VWC2: variants seen among roughly 807,000 people sequenced by gnomAD.
VWC2 encodes the protein von Willebrand factor C domain containing 2.
VWC2 carries 14 observed loss-of-function variants against 29.8 expected under a neutral mutation model. The ratio of observed to expected loss-of-function variants is 0.47; its 90% CI spans 0.31 to 0.74. The LOEUF is 0.74. Among genes scored for constraint, VWC2 ranks in the 30% least tolerant of loss-of-function variants. The pLI is 0.05. For missense variants in VWC2, 457 were observed against 459.8 expected (o/e 0.99, Z 0.05); for synonymous variants, 213 against 199.0 (o/e 1.07, Z -0.59).
intron 3 of VWC2, among the ~76,000 whole-genome samples, chr7:49,853,224 C>T (rs1278302130): frequency 6.6e-6 from 1 of 152,340 alleles, no homozygotes; most frequent in Admixed American, 6.5e-5. Flanking sequence ...CTCTTGCTGC[C>T]GTGTGGAGTG....
intron 2 of VWC2, among the ~76,000 whole-genome samples, chr7:49,798,767 T>A (rs1336541576): frequency 2.6e-5 from 4 of 152,178 alleles, no homozygotes. Flanking sequence ...GGCTGCTGAG[T>A]TCACGTGGGC....
intron 3 of VWC2, among the ~76,000 whole-genome samples, chr7:49,857,469 G>C (rs1275165663): frequency 6.6e-6 from 1 of 152,156 alleles, no homozygotes; most frequent in East Asian, 1.9e-4. Flanking sequence ...CTTAGGTATT[G>C]TGAATAGTGC....
chr7:49,785,352 A>C (rs768662000), intron 2 of VWC2, among the ~76,000 whole-genome samples: 3 of 152,172 alleles, frequency 2.0e-5, no homozygotes, highest in Non-Finnish European at 4.4e-5. Context: ...GATTGTAGAG[A>C]ATGGGAGAAA....
chr7:49,909,233 T>C (rs1302484417), intron 3 of VWC2, among the ~76,000 whole-genome samples: 1 of 152,214 alleles, frequency 6.6e-6, no homozygotes, highest in Non-Finnish European at 1.5e-5. Flanking sequence ...GCAGTTATGG[T>C]GTGGCTTCTC....
At chr7:49,823,762 G>T (rs1032598281) in intron 3 of VWC2, among the ~76,000 whole-genome samples, 8 of 152,174 alleles carry the variant, frequency 5.3e-5, no homozygotes, top group African/African-American at 1.4e-4. Context: ...CACTGGTATT[G>T]CCTTGGTTGC....
At chr7:49,906,343 CTT>C (rs113516881) in intron 3 of VWC2, among the ~76,000 whole-genome samples, 6 of 150,928 alleles carry the variant, frequency 4.0e-5, no homozygotes, top group Admixed American at 4.0e-4. Context: ...AAAATTTTCT[CTT>C]TTTTTTTGAG....
At chr7:49,829,352 G>A (rs1430368994) in intron 3 of VWC2, among the ~76,000 whole-genome samples, 1 of 152,132 alleles carries the variant, frequency 6.6e-6, no homozygotes, top group Non-Finnish European at 1.5e-5. Context: ...ACCTGCCAGA[G>A]TTTTGGGTTT....
chr7:49,905,012 G>A (rs1793010788), intron 3 of VWC2, among the ~76,000 whole-genome samples: 1 of 152,120 alleles, frequency 6.6e-6, no homozygotes, highest in African/African-American at 2.4e-5. Context: ...GGGATTAGAG[G>A]TGTGAGCCAT....
At chr7:49,906,676 T>C (rs1362644969) in intron 3 of VWC2, among the ~76,000 whole-genome samples, 2 of 152,190 alleles carry the variant, frequency 1.3e-5, no homozygotes, top group African/African-American at 4.8e-5. Context: ...CATAAAATTC[T>C]TACCAAGAAT....
At chr7:49,901,080 A>G (rs922668786) in intron 3 of VWC2, 1 of 151,944 alleles carries the variant, frequency 6.6e-6, no homozygotes, top group Non-Finnish European at 1.5e-5. Context: ...TCAACTTGAT[A>G]AAGACTATTT....
At position 49,916,608 on chromosome 7, in the gene VWC2, G is replaced by C. The variant is rs1793740156; in HGVS notation, c.*4423G>C. The C allele has an allele frequency of 6.6e-6, 1 of 152,124 alleles. No individual in the cohort carries two copies. Among genetic ancestry groups the C allele is most frequent in the South Asian group, 2.1e-4 (1 of 4,830 alleles). The allele number at this position is 152,124 out of a possible 1,614,324, so 9.4% of individuals were successfully genotyped here. ...TTATTTACAAATCCCTTTAGTTTGG[G>C]CTGTGAAATATTCAATTCCCAAAAC... On this transcript the variant is annotated 3_prime_UTR_variant, in exon 4 of 4. Transcript: ENST00000340652.
At chr7:49,818,909 G>A (rs1270313966) in intron 3 of VWC2, among the ~76,000 whole-genome samples, 1 of 150,252 alleles carries the variant, frequency 6.7e-6, no homozygotes, top group East Asian at 1.9e-4. Flanking sequence ...ATATGAATTT[G>A]CCTTTAAAAT....
intron 3 of VWC2, among the ~76,000 whole-genome samples, chr7:49,840,206 G>C (rs1225807394): frequency 6.6e-6 from 1 of 152,208 alleles, no homozygotes; most frequent in Non-Finnish European, 1.5e-5. Context: ...GAGAGTTGTA[G>C]ATGAACAAAT....
At chr7:49,794,487 C>G (rs1788539520) in intron 2 of VWC2, among the ~76,000 whole-genome samples, 1 of 152,162 alleles carries the variant, frequency 6.6e-6, no homozygotes, top group South Asian at 2.1e-4. Flanking sequence ...CTGTCTTTGG[C>G]CCTTGTAATA....
intron 2 of VWC2, among the ~76,000 whole-genome samples, chr7:49,793,577 G>A (rs995451148): frequency 6.7e-6 from 1 of 149,324 alleles, no homozygotes; most frequent in Non-Finnish European, 1.5e-5. Context: ...ATATTCTTTT[G>A]CAACTTTTTT....
At chr7:49,888,903 C>T (rs1023335225) in intron 3 of VWC2, among the ~76,000 whole-genome samples, 51 of 151,496 alleles carry the variant, frequency 3.4e-4, no homozygotes, top group African/African-American at 1.1e-3. Flanking sequence ...AAGAGCGAGA[C>T]TTCATCTCAA....
intron 2 of VWC2, among the ~76,000 whole-genome samples, chr7:49,783,243 G>A (rs548797791): frequency 5.3e-4 from 80 of 152,160 alleles, no homozygotes; most frequent in Middle Eastern, 3.4e-3. Flanking sequence ...GAGATGTGAC[G>A]GGAAGTAAAT....
At position 49,774,074 on chromosome 7, in the gene VWC2, C is replaced by T. The variant is rs1435664705; in HGVS notation, c.-143C>T. 1 of 152,112 alleles carries T rather than the reference C, an allele frequency of 6.6e-6. No individual in the cohort carries two copies. Among genetic ancestry groups the T allele is most frequent in the Non-Finnish European group, 1.5e-5 (1 of 68,140 alleles). 9.4% of individuals were successfully genotyped at this position (152,112 alleles called of 1,614,324 possible). On this transcript the variant is annotated 5_prime_UTR_variant, in exon 1 of 4. Coordinates refer to ENST00000340652, the MANE Select transcript of VWC2 (RefSeq NM_198570.5). ...GCGCCCGCCGCTGCTACCCCTGCGC[C>T]CGCTGCGAGCCCGGCGTCCGGCCCG...
intron 3 of VWC2, among the ~76,000 whole-genome samples, chr7:49,863,486 G>A (rs1476340359): frequency 6.6e-6 from 1 of 152,178 alleles, no homozygotes; most frequent in African/African-American, 2.4e-5. Flanking sequence ...AGGCTGGAGT[G>A]CATGGCATGA....
Sources: gnomAD v4.1 joint callset for allele counts (sites outside exome capture counted in the v4.1 genomes callset) on GRCh38, gnomAD v4.1.1 for gene constraint, MANE v1.5 for transcripts, NCBI Gene and HGNC (gene_info 2026-07-23, HGNC 2026-07-21) for gene names.